Variants in CD48 observed in about 807,000 individuals in gnomAD.
CD48 encodes CD48 antigen.
CD48 carries 20 observed loss-of-function variants against 22.0 expected under a neutral mutation model. The ratio of observed to expected loss-of-function variants is 0.91; its 90% confidence interval spans 0.64 to 1.32. CD48 has a LOEUF of 1.32. Ranked by LOEUF, CD48 falls within the 40% of genes most tolerant of loss-of-function variation. The probability of loss-of-function intolerance (pLI) is 0.00; values close to 1 mark genes in which losing one functional copy is unlikely to be tolerated. For missense variants in CD48, 307 were observed against 286.5 expected (o/e 1.07, Z -0.52); for synonymous variants, 110 against 110.1 (o/e 1.00, Z 0.01).
intron 3 of CD48, 92 bp from the exon 4 acceptor site, chr1:160,679,223 G>C: frequency 1.0e-6 from 1 of 953,180 alleles, no homozygotes; most frequent in Middle Eastern, 2.1e-4. Flanking sequence ...TGGTGTGGGA[G>C]CTCACAGAGC....
intron 1 of CD48, among the ~76,000 whole-genome samples, chr1:160,688,039 A>G (rs139395142): frequency 3.7e-4 from 57 of 152,354 alleles, no homozygotes; most frequent in African/African-American, 1.3e-3. Context: ...CTGCATTTGC[A>G]TGTGATGTTT....
chr1:160,696,282 A>G (rs376893092), intron 1 of CD48, among the ~76,000 whole-genome samples: 1,897 of 137,726 alleles, frequency 0.014, no homozygotes, highest in East Asian at 0.054. Context: ...CTGCATATGT[A>G]GTACAGGCTA....
intron 1 of CD48, among the ~76,000 whole-genome samples, chr1:160,689,071 C>T (rs1662099729): frequency 6.6e-6 from 1 of 152,066 alleles, no homozygotes; most frequent in African/African-American, 2.4e-5. Context: ...CTTCTCCTTT[C>T]ATTTGTTTTA....
intron 1 of CD48, among the ~76,000 whole-genome samples, chr1:160,698,406 T>C (rs2102427043): frequency 6.6e-6 from 1 of 152,296 alleles, no homozygotes; most frequent in South Asian, 2.1e-4. Flanking sequence ...TTTACTTTAA[T>C]TGCAGTGATT....
At chr1:160,687,737 A>G (rs1425479047) in intron 1 of CD48, among the ~76,000 whole-genome samples, 1 of 152,200 alleles carries the variant, frequency 6.6e-6, no homozygotes, top group African/African-American at 2.4e-5. Flanking sequence ...CAAGCTGATT[A>G]AACACAGAAA....
intron 1 of CD48, among the ~76,000 whole-genome samples, chr1:160,706,793 T>C (rs1422964729): frequency 6.6e-6 from 1 of 152,090 alleles, no homozygotes; most frequent in Non-Finnish European, 1.5e-5. Context: ...AAAACAGAAT[T>C]GTAACGGGAA....
intron 1 of CD48, among the ~76,000 whole-genome samples, chr1:160,687,152 G>A (rs563303963): frequency 1.3e-4 from 20 of 152,194 alleles, no homozygotes; most frequent in Non-Finnish European, 2.4e-4. Flanking sequence ...AGAACTCAGC[G>A]ATATTTCTCC....
intron 1 of CD48, among the ~76,000 whole-genome samples, chr1:160,709,555 G>A (rs183007330): frequency 2.1e-4 from 32 of 152,238 alleles, no homozygotes; most frequent in African/African-American, 7.7e-4. Flanking sequence ...AAGTGTTGTG[G>A]ACAGATGGGG....
chr1:160,696,178 A>G (rs1662415385), intron 1 of CD48, among the ~76,000 whole-genome samples: 1 of 152,306 alleles, frequency 6.6e-6, no homozygotes, highest in African/African-American at 2.4e-5. Flanking sequence ...ACGAGTAATC[A>G]AAACTCCATA....
At chr1:160,711,604 A>G (rs1280623832) in intron 1 of CD48, 78 bp downstream of exon 1, 4 of 1,099,354 alleles carry the variant, frequency 3.6e-6, no homozygotes, top group African/African-American at 3.1e-5. Context: ...TCTAGGGTTG[A>G]ACTACATCCC....
At chr1:160,691,074 A>C (rs533807330) in intron 1 of CD48, among the ~76,000 whole-genome samples, 111 of 152,132 alleles carry the variant, frequency 7.3e-4, no homozygotes, top group Admixed American at 1.3e-3. Context: ...GGGACACAAA[A>C]ACTGCGGAAG....
chr1:160,709,698 G>A (rs1018033555), intron 1 of CD48, among the ~76,000 whole-genome samples: 4 of 152,270 alleles, frequency 2.6e-5, no homozygotes, highest in South Asian at 4.1e-4. Context: ...CATCCCTTAC[G>A]GCAGAGGAGA....
chr1:160,685,066 C>T lies in CD48; in HGVS notation c.206G>A (p.Trp69Ter), dbSNP rs757505199. 7.4e-6 allele frequency: 12 copies of T among 1,614,174 alleles called. No homozygotes were observed. The highest frequency in any genetic ancestry group is 1.0e-5 in the Non-Finnish European group (12 of 1,180,020). Reference protein sequence around the residue: ...FYTFDQKIVEWDSRKSKYFES... With the variant: ...FYTFDQKIVE ...AAAGTACTTAGATTTTCTGGAATCC[C>T]ATTCTACAATCTTCTGGTCGAAAGT... The change falls in exon 2 of 4, where the codon TGG becomes TAG. Residue 69 changes from tryptophan to a stop codon, truncating the protein, a stop_gained. Coordinates refer to ENST00000368046, the MANE Select transcript of CD48 (RefSeq NM_001778.4). LOFTEE classifies it high-confidence loss of function.
chr1:160,701,882 C>T (rs1313108633), intron 1 of CD48, among the ~76,000 whole-genome samples: 7 of 152,134 alleles, frequency 4.6e-5, no homozygotes, highest in Non-Finnish European at 8.8e-5. Flanking sequence ...CTACTAGGCC[C>T]TCAAACTTTT....
At chr1:160,689,840 C>T (rs1043882049) in intron 1 of CD48, among the ~76,000 whole-genome samples, 10 of 152,288 alleles carry the variant, frequency 6.6e-5, no homozygotes, top group Admixed American at 2.6e-4. Context: ...CTCTTCCCTA[C>T]GTTATAATTG....
rs1413419809 is a variant in CD48, at chr1:160,707,503, A to C, written c.82+4179T>G. ...GGGAGGAGGGACACTTCATCCTCTG[A>C]GGGAAAAGAGAAGGAGGAAAGACAG... On this transcript the variant is annotated intron_variant, in intron 1 of 3. Coordinates refer to ENST00000368046, the MANE Select transcript of CD48 (RefSeq NM_001778.4). Among the ~76,000 whole-genome samples, 5 of 152,122 alleles carry C rather than the reference A, an allele frequency of 3.3e-5. 1 individual carries two copies. The highest frequency in any genetic ancestry group is 1.2e-4 in the African/African-American group (5 of 41,438).
At chr1:160,710,769 G>A (rs1018659956) in intron 1 of CD48, among the ~76,000 whole-genome samples, 1 of 152,114 alleles carries the variant, frequency 6.6e-6, no homozygotes, top group Non-Finnish European at 1.5e-5. Flanking sequence ...GTGAGAGACC[G>A]ATCCTCCACA....
Position 160,690,103 on chromosome 1 carries a change from G to C in CD48, c.83-4914C>G, listed in dbSNP as rs373093358. ...CGATTGGCCTGTTCCACCACAGCCT[G>C]TCCTTGAGGATTGTAAGGGATTCTA... On this transcript the variant is annotated intron_variant, in intron 1 of 3. Transcript: ENST00000368046. 6.5e-4 allele frequency among the ~76,000 whole-genome samples: 99 copies of C among 152,286 alleles called. 1 individual carries two copies. In the South Asian group the frequency reaches 0.02, roughly 30 times the overall value.
intron 2 of CD48, among the ~76,000 whole-genome samples, chr1:160,682,072 A>G (rs781207407): frequency 6.6e-6 from 1 of 152,186 alleles, no homozygotes; most frequent in East Asian, 1.9e-4. Context: ...TGGTATCTCC[A>G]TGTCTAGCAC....
Sources: allele counts gnomAD v4.1 joint callset (sites outside exome capture counted in the v4.1 genomes callset), GRCh38; gene constraint gnomAD v4.1.1; transcripts MANE v1.5; gene names NCBI Gene and HGNC (gene_info 2026-07-23, HGNC 2026-07-21).